CACNA2D3: variants seen among roughly 807,000 people sequenced by gnomAD.
CACNA2D3 encodes the protein calcium voltage-gated channel auxiliary subunit alpha2delta 3.
In CACNA2D3, 60 loss-of-function variants were observed where a neutral mutation model predicts 160.6. The ratio of observed to expected loss-of-function variants is 0.37; its 90% CI spans 0.30 to 0.46. The LOEUF is 0.46. Ranked by LOEUF, CACNA2D3 falls within the 20% of genes least tolerant of loss-of-function variation. CACNA2D3 has a pLI of 1.00. For synonymous variants in CACNA2D3, 558 were observed against 492.9 expected, an observed-to-expected ratio of 1.13 and a Z score of -1.75; for missense variants, 1,205 against 1,365.0, an observed-to-expected ratio of 0.88 and a Z score of 1.85.
At chr3:54,942,898 C>T (rs1701511149) in intron 27 of CACNA2D3, among the ~76,000 whole-genome samples, 1 of 152,126 alleles carries the variant, frequency 6.6e-6, no homozygotes, top group African/African-American at 2.4e-5. Flanking sequence ...GTGGCACGTG[C>T]CTGTAGTCCC....
At chr3:54,290,878 G>T (rs1559911155) in intron 2 of CACNA2D3, among the ~76,000 whole-genome samples, 1 of 151,320 alleles carries the variant, frequency 6.6e-6, no homozygotes. Flanking sequence ...ACGGACACAG[G>T]AAGGGGAACA....
chr3:54,169,607 A>G (rs1247250770), intron 2 of CACNA2D3, among the ~76,000 whole-genome samples: 1 of 152,226 alleles, frequency 6.6e-6, no homozygotes, highest in East Asian at 1.9e-4. Flanking sequence ...CATGCAATAA[A>G]GACAACAGAG....
At chr3:54,255,426 C>T (rs1702274067) in intron 2 of CACNA2D3, among the ~76,000 whole-genome samples, 1 of 152,168 alleles carries the variant, frequency 6.6e-6, no homozygotes, top group Non-Finnish European at 1.5e-5. Flanking sequence ...GGCAAATGTC[C>T]ACACAAGTAT....
chr3:54,706,717 ACT>A (rs1700863249), intron 11 of CACNA2D3, among the ~76,000 whole-genome samples: 1 of 151,986 alleles, frequency 6.6e-6, no homozygotes, highest in Non-Finnish European at 1.5e-5. Context: ...TTAGGCCCTC[ACT>A]CTCAGGGTGA....
intron 4 of CACNA2D3, among the ~76,000 whole-genome samples, chr3:54,472,954 T>G (rs756229497): frequency 6.6e-6 from 1 of 152,200 alleles, no homozygotes; most frequent in Non-Finnish European, 1.5e-5. Context: ...ACGGCCATAA[T>G]GCCCAAAGTA....
intron 5 of CACNA2D3, among the ~76,000 whole-genome samples, chr3:54,542,011 G>T (rs1364315916): frequency 2.0e-4 from 30 of 151,690 alleles, no homozygotes; most frequent in Admixed American, 1.8e-3. Context: ...GTTCTCTAGA[G>T]CGACAGAACT....
At chr3:54,901,143 G>A (rs1700322531) in intron 27 of CACNA2D3, 1 of 152,190 alleles carries the variant, frequency 6.6e-6, no homozygotes, top group Admixed American at 6.5e-5. Flanking sequence ...GCTTAAAGGA[G>A]GTCAGGCTTG....
At chr3:55,027,010 C>G (rs1703576648) in intron 35 of CACNA2D3, among the ~76,000 whole-genome samples, 1 of 152,218 alleles carries the variant, frequency 6.6e-6, no homozygotes, top group Non-Finnish European at 1.5e-5. Flanking sequence ...CACACACGCA[C>G]ACACGCTGGT....
intron 4 of CACNA2D3, among the ~76,000 whole-genome samples, chr3:54,499,436 T>A (rs1490368993): frequency 2.0e-5 from 3 of 152,156 alleles, no homozygotes. Flanking sequence ...AAATATACAT[T>A]TTTTCTGCTT....
intron 27 of CACNA2D3, among the ~76,000 whole-genome samples, chr3:54,929,770 C>G (rs931098100): frequency 2.0e-5 from 3 of 152,154 alleles, no homozygotes; most frequent in African/African-American, 7.2e-5. Context: ...TCCTTCCTAT[C>G]CATCTGTTTC....
chr3:54,968,219 A>G (rs1559450157), intron 27 of CACNA2D3, among the ~76,000 whole-genome samples: 1 of 152,110 alleles, frequency 6.6e-6, no homozygotes, highest in Non-Finnish European at 1.5e-5. Context: ...CATGTCTCCA[A>G]AGAGCGATCT....
At chr3:54,859,347 G>A (rs533840892) in intron 17 of CACNA2D3, among the ~76,000 whole-genome samples, 1 of 152,276 alleles carries the variant, frequency 6.6e-6, no homozygotes, top group Admixed American at 6.5e-5. Context: ...ACACTTAGGT[G>A]AACTTTCATC....
At chr3:54,896,114 G>A (rs1005702780) in intron 25 of CACNA2D3, among the ~76,000 whole-genome samples, 1 of 152,166 alleles carries the variant, frequency 6.6e-6, no homozygotes, top group Admixed American at 6.5e-5. Flanking sequence ...GAAAGGAAGA[G>A]ATAGAAAGAA....
rs185428766 is a variant in CACNA2D3 at position 54,790,519 on chromosome 3, G to A, written c.1380+26168G>A. On this transcript the variant is annotated intron_variant, in intron 13 of 37. Transcript: ENST00000474759. ...TGTAGCATGCATGTGTCATCTAAAG[G>A]TATTTGTTTCACAAACTTTAAAAAC... is the stretch of plus-strand genomic sequence containing the variant. 1.1e-4 allele frequency among the ~76,000 whole-genome samples: 17 copies of A among 152,290 alleles called. No individual in the cohort carries two copies. The East Asian group carries it at 3.1e-3, about 28-fold the overall frequency.
intron 2 of CACNA2D3, among the ~76,000 whole-genome samples, chr3:54,276,586 A>AAAC (rs1559904952): frequency 1.4e-5 from 2 of 146,606 alleles, no homozygotes. Flanking sequence ...AAAAAAAAAA[A>AAAC]AAAAGAAGAA....
intron 11 of CACNA2D3, among the ~76,000 whole-genome samples, chr3:54,744,210 A>C (rs112925029): frequency 2.0e-5 from 3 of 152,312 alleles, no homozygotes; most frequent in African/African-American, 7.2e-5. Flanking sequence ...TGGGCATGTA[A>C]ATGACCAAAT....
At chr3:54,899,448 C>T (rs779302093) in intron 26 of CACNA2D3, among the ~76,000 whole-genome samples, 1 of 152,106 alleles carries the variant, frequency 6.6e-6, no homozygotes, top group Non-Finnish European at 1.5e-5. Context: ...TAAATATGAC[C>T]ACTGACACAA....
At chr3:54,150,499 G>C (rs1027175004) in intron 2 of CACNA2D3, among the ~76,000 whole-genome samples, 3 of 152,206 alleles carry the variant, frequency 2.0e-5, no homozygotes, top group African/African-American at 7.2e-5. Flanking sequence ...TTCTTCAGCA[G>C]TGTGACTATG....
intron 27 of CACNA2D3, among the ~76,000 whole-genome samples, chr3:54,922,820 C>A (rs1216660566): frequency 6.6e-6 from 1 of 152,146 alleles, no homozygotes; most frequent in Non-Finnish European, 1.5e-5. Flanking sequence ...CACTCACTCA[C>A]TCCCCCCAGT....
Sources: allele counts gnomAD v4.1 joint callset (sites outside exome capture counted in the v4.1 genomes callset), GRCh38; gene constraint gnomAD v4.1.1; transcripts MANE v1.5; gene names NCBI Gene and HGNC (gene_info 2026-07-23, HGNC 2026-07-21).